The following VAT1L variants were observed in gnomAD, a reference collection of about 807,000 sequenced individuals.
VAT1L encodes the protein putative NADPH-dependent quinone oxidoreductase VAT1L.
In VAT1L, 34 loss-of-function variants were observed where a neutral mutation model predicts 44.1. The observed-to-expected ratio is 0.77, with a 90% CI of 0.59 to 1.03. VAT1L has a LOEUF of 1.03. Among genes scored for constraint, VAT1L ranks in the 50% least tolerant of loss-of-function variants. The pLI is 0.00. For missense variants in VAT1L, 615 were observed against 538.8 expected, an observed-to-expected ratio of 1.14 and a Z score of -1.40; for synonymous variants, 253 against 202.2, an observed-to-expected ratio of 1.25 and a Z score of -2.13.
chr16:77,904,156 CTA>C (rs1478422416), intron 7 of VAT1L, among the ~76,000 whole-genome samples: 2 of 150,706 alleles, frequency 1.3e-5, no homozygotes, highest in Non-Finnish European at 2.9e-5. Flanking sequence ...TTACACCACT[CTA>C]TCTTATTCTT....
At position 77,825,274 on chromosome 16, in the gene VAT1L, A is replaced by T. The variant is rs1027490278; in HGVS notation, c.392A>T (p.Asn131Ile). The T allele has an allele frequency of 1.2e-6, 2 of 1,613,974 alleles. No individual in the cohort carries two copies. The highest frequency in any genetic ancestry group is 2.7e-5 in the African/African-American group (2 of 74,898). Residue 131 changes from asparagine (N) to isoleucine (I), a missense_variant, in exon 3 of 9, where the codon AAT (asparagine) becomes ATT (isoleucine). Coordinates refer to ENST00000302536, the MANE Select transcript of VAT1L (RefSeq NM_020927.3). ...EIGDRVMAFV[N>I]YNAWAEVVCT... ...GGAGACCGTGTCATGGCATTTGTCA[A>T]TTACAATGCCTGGGCAGAGGTGGTC...
chr16:77,923,732 C>T (rs1275703966), intron 7 of VAT1L, among the ~76,000 whole-genome samples: 2 of 152,136 alleles, frequency 1.3e-5, no homozygotes, highest in Non-Finnish European at 2.9e-5. Context: ...AGTTGGTACC[C>T]AGGGTGGCTT....
intron 7 of VAT1L, among the ~76,000 whole-genome samples, chr16:77,939,260 T>C (rs901453959): frequency 2.6e-5 from 4 of 152,212 alleles, no homozygotes; most frequent in African/African-American, 9.7e-5. Flanking sequence ...ACTGGAGATA[T>C]ATTTGAGCAA....
At chr16:77,962,484 G>C (rs532038812) in intron 7 of VAT1L, among the ~76,000 whole-genome samples, 1 of 152,200 alleles carries the variant, frequency 6.6e-6, no homozygotes, top group African/African-American at 2.4e-5. Flanking sequence ...TCTCAGAGTA[G>C]AATCTCTCCT....
intron 7 of VAT1L, among the ~76,000 whole-genome samples, chr16:77,930,300 C>T (rs1794440952): frequency 6.6e-6 from 1 of 152,184 alleles, no homozygotes; most frequent in Non-Finnish European, 1.5e-5. Context: ...TAGGTCTCTC[C>T]CATGAGTATC....
intron 7 of VAT1L, among the ~76,000 whole-genome samples, chr16:77,944,328 A>G (rs1409196323): frequency 6.6e-6 from 1 of 152,202 alleles, no homozygotes; most frequent in Non-Finnish European, 1.5e-5. Context: ...CCATCCTAAG[A>G]AAGAGTAGCA....
At chr16:77,939,977 A>C (rs1056386664) in intron 7 of VAT1L, among the ~76,000 whole-genome samples, 2 of 152,228 alleles carry the variant, frequency 1.3e-5, no homozygotes, top group Non-Finnish European at 2.9e-5. Context: ...ATGCAGTAAT[A>C]GAAATGAGAT....
chr16:77,869,665 T>G (rs2017010248), intron 4 of VAT1L, among the ~76,000 whole-genome samples: 1 of 151,972 alleles, frequency 6.6e-6, no homozygotes, highest in South Asian at 2.1e-4. Context: ...CAAGACCCAG[T>G]CTCAATGATT....
At chr16:77,905,154 G>A (rs919159799) in intron 7 of VAT1L, among the ~76,000 whole-genome samples, 1 of 152,174 alleles carries the variant, frequency 6.6e-6, no homozygotes, top group Non-Finnish European at 1.5e-5. Flanking sequence ...GGCATTATTT[G>A]TATGTCTCTT....
chr16:77,799,274 C>G (rs1446445379), intron 1 of VAT1L, among the ~76,000 whole-genome samples: 1 of 147,862 alleles, frequency 6.8e-6, no homozygotes, highest in Non-Finnish European at 1.5e-5. Flanking sequence ...CTTCTTCTCT[C>G]TCCCTCTTTC....
intron 3 of VAT1L, among the ~76,000 whole-genome samples, chr16:77,838,631 T>C (rs540260531): frequency 3.3e-5 from 5 of 151,966 alleles, no homozygotes; most frequent in African/African-American, 1.2e-4. Context: ...GATCTATACT[T>C]CCTGTCTCCT....
At chr16:77,822,207 T>A (rs1168395325) in intron 2 of VAT1L, among the ~76,000 whole-genome samples, 2 of 152,194 alleles carry the variant, frequency 1.3e-5, no homozygotes, top group Non-Finnish European at 2.9e-5. Context: ...CGATCCTGGC[T>A]CACTGCAAAC....
At chr16:77,856,801 GATGGCA>G (rs1322750701) in intron 3 of VAT1L, among the ~76,000 whole-genome samples, 1 of 152,184 alleles carries the variant, frequency 6.6e-6, no homozygotes, top group Non-Finnish European at 1.5e-5. Context: ...TTGTCTCTAA[GATGGCA>G]ACTCGAGGGC....
chr16:77,812,708 C>A (rs553697537), intron 1 of VAT1L, among the ~76,000 whole-genome samples: 2 of 152,164 alleles, frequency 1.3e-5, no homozygotes, highest in Non-Finnish European at 2.9e-5. Flanking sequence ...GAACTGTCCC[C>A]CAATTTTCCT....
intron 1 of VAT1L, among the ~76,000 whole-genome samples, chr16:77,795,929 G>T (rs929789535): frequency 2.0e-5 from 3 of 147,292 alleles, no homozygotes; most frequent in Middle Eastern, 3.4e-3. Context: ...AAGTTCAAGC[G>T]ATTCTCCTGC....
At chr16:77,792,634 C>G (rs2015855175) in intron 1 of VAT1L, among the ~76,000 whole-genome samples, 2 of 151,992 alleles carry the variant, frequency 1.3e-5, no homozygotes, top group African/African-American at 2.4e-5. Flanking sequence ...TCTGACTGAG[C>G]AAAATTCTCT....
rs569998082 is a variant in VAT1L at position 77,946,083 on chromosome 16, A to G, written c.1078-25767A>G. Among the ~76,000 whole-genome samples the G allele has an allele frequency of 2.6e-5, 4 of 152,044 alleles. No individual in the cohort carries two copies. The South Asian group carries it at 8.3e-4, about 32-fold the overall frequency. On this transcript the variant is annotated intron_variant, in intron 7 of 8. Transcript: ENST00000302536. ...CCAAAGTGCTAGGATTACAGGCGTG[A>G]GCTACCACACCCGGCCAGGGCTTGC... is the stretch of plus-strand genomic sequence containing the variant.
intron 8 of VAT1L, among the ~76,000 whole-genome samples, chr16:77,973,036 C>T (rs562678406): frequency 7.2e-4 from 110 of 151,832 alleles, no homozygotes; most frequent in Admixed American, 1.1e-3. Context: ...CCCAGGGATA[C>T]CACCAGGAGT....
intron 7 of VAT1L, among the ~76,000 whole-genome samples, chr16:77,916,944 C>A (rs2017558679): frequency 6.6e-6 from 1 of 152,106 alleles, no homozygotes. Context: ...ACAGCCATGC[C>A]AGTTGGGAGT....
Sources: gnomAD v4.1 joint callset for allele counts (sites outside exome capture counted in the v4.1 genomes callset) on GRCh38, gnomAD v4.1.1 for gene constraint, MANE v1.5 for transcripts, NCBI Gene and HGNC (gene_info 2026-07-23, HGNC 2026-07-21) for gene names.